SMIM22: variants seen among roughly 807,000 people sequenced by gnomAD.
The protein encoded by SMIM22 is cancer associated small integral membrane open reading frame 1.
Under a neutral mutation model 8.4 loss-of-function variants are expected in SMIM22, and 16 were observed. That is an observed-to-expected ratio of 1.90 (90% CI 1.29 to 2.89). The LOEUF (loss-of-function observed/expected upper bound fraction) is 2.89. Among genes scored for constraint, SMIM22 ranks in the 30% most tolerant of loss-of-function variants. The probability of loss-of-function intolerance (pLI) is 0.00; values close to 1 mark genes in which losing one functional copy is unlikely to be tolerated. For synonymous variants in SMIM22, 67 were observed against 47.6 expected (o/e 1.41, Z -1.68); for missense variants, 159 against 107.5 (o/e 1.48, Z -2.12).
upstream of SMIM22, among the ~76,000 whole-genome samples, chr16:4,793,529 G>T (rs1012058842): frequency 6.6e-6 from 1 of 152,284 alleles, no homozygotes; most frequent in African/African-American, 2.4e-5. Context: ...CACAGTGCTC[G>T]ATGCAGAGCC....
chr16:4,794,212 A>G (rs146372751), upstream of SMIM22, among the ~76,000 whole-genome samples: 6 of 152,138 alleles, frequency 3.9e-5, no homozygotes, highest in South Asian at 2.1e-4. Flanking sequence ...GGTTCAAGCA[A>G]TTCTCCTGCC....
At chr16:4,794,554 G>A (rs2141897617), upstream of SMIM22, among the ~76,000 whole-genome samples, 1 of 152,160 alleles carries the variant, frequency 6.6e-6, no homozygotes, top group African/African-American at 2.4e-5. Context: ...CCTAGTAGCT[G>A]GGATTACAGG....
chr16:4,795,902 TG>T, intron 2 of SMIM22, 44 bp downstream of exon 2: 1 of 1,531,352 alleles, frequency 6.5e-7, no homozygotes, highest in Non-Finnish European at 8.7e-7. Context: ...CCCCCTGCCC[TG>T]GGCTCCAGGT....
rs2082644212 is a variant in SMIM22, at chr16:4,796,314, T to C, written c.*83T>C. 1 of 1,489,314 alleles carries C rather than the reference T, an allele frequency of 6.7e-7. No homozygotes were observed. The allele number at this position is 1,489,314 out of a possible 1,614,324, so 92.3% of individuals were successfully genotyped here. On this transcript the variant is annotated 3_prime_UTR_variant, in exon 4 of 4. Transcript: ENST00000586005. ...TCTGCAGTGTCTTCCAGTCCCCGTCTGGGTGGGTGACGCGGGACTCGCCGC... is the reference window on the plus strand; with the variant it reads ...TCTGCAGTGTCTTCCAGTCCCCGTCCGGGTGGGTGACGCGGGACTCGCCGC...
rs973994714 is a variant in SMIM22 at position 4,796,236 on chromosome 16, G to C, written c.*5G>C. Reference sequence around the variant, plus strand: ...AACTTGGCCCTGGAACCCTGACCCTGTGTCTCCTGCCCGGTGGCAGTAACA... The same window carrying C: ...AACTTGGCCCTGGAACCCTGACCCTCTGTCTCCTGCCCGGTGGCAGTAACA... On this transcript the variant is annotated 3_prime_UTR_variant, in exon 4 of 4. Coordinates refer to ENST00000586005, the MANE Select transcript of SMIM22 (RefSeq NM_001253794.2). 9.1e-6 allele frequency: 14 copies of C among 1,535,632 alleles called. No individual in the cohort carries two copies. The Admixed American group carries it at 9.8e-5, about 11-fold the overall frequency.
At chr16:4,790,781 C>T (rs531241968), upstream of SMIM22, among the ~76,000 whole-genome samples, 1 of 152,028 alleles carries the variant, frequency 6.6e-6, no homozygotes, top group Admixed American at 6.6e-5. Flanking sequence ...AGAGTAAGAC[C>T]CTAGCTCAGT....
chr16:4,794,398 C>T (rs191211430), upstream of SMIM22, among the ~76,000 whole-genome samples: 399 of 151,118 alleles, frequency 2.6e-3, 2 homozygotes, highest in African/African-American at 9.2e-3. Flanking sequence ...TGAGCCACCA[C>T]ACCCGACCAA....
chr16:4,789,626 C>A (rs559586226), intron 2 of SMIM22, among the ~76,000 whole-genome samples: 1 of 152,182 alleles, frequency 6.6e-6, no homozygotes, highest in East Asian at 1.9e-4. Context: ...GCGCCCAGCC[C>A]TTTTTAAAAT....
intron 2 of SMIM22, 30 bp downstream of exon 2, chr16:4,795,888 C>T (rs1161027495): frequency 6.5e-7 from 1 of 1,533,870 alleles, no homozygotes; most frequent in African/African-American, 1.4e-5. Context: ...CTGGGTCCTC[C>T]CAGCCCCCTG....
upstream of SMIM22, among the ~76,000 whole-genome samples, chr16:4,792,982 GCCTGTAATC>G (rs1380150638): frequency 6.6e-6 from 1 of 151,822 alleles, no homozygotes; most frequent in African/African-American, 2.4e-5. Context: ...GGTGGCAGGT[GCCTGTAATC>G]CCAGCTACTC....
upstream of SMIM22, among the ~76,000 whole-genome samples, chr16:4,792,394 G>A (rs1054056365): frequency 2.0e-5 from 3 of 151,000 alleles, no homozygotes; most frequent in Non-Finnish European, 4.4e-5. Flanking sequence ...GTTTCACCGT[G>A]TTAGCCAGGA....
upstream of SMIM22, among the ~76,000 whole-genome samples, chr16:4,792,580 T>C (rs375980497): frequency 7.0e-4 from 105 of 150,616 alleles, 1 homozygote; most frequent in African/African-American, 2.4e-3. Flanking sequence ...GGGGGGCGGA[T>C]TGCTAGAGCT....
chr16:4,789,316 CTTT>C (rs1221503670), intron 2 of SMIM22, among the ~76,000 whole-genome samples: 1 of 150,982 alleles, frequency 6.6e-6, no homozygotes, highest in Non-Finnish European at 1.5e-5. Context: ...CTTTTTTTTT[CTTT>C]TTTCCTTTTT....
At chr16:4,795,354 G>A (rs1374986828), upstream of SMIM22, 2 of 227,528 alleles carry the variant, frequency 8.8e-6, no homozygotes, top group Non-Finnish European at 1.7e-5. Flanking sequence ...GGGCGGGGCT[G>A]GTTGCCAAGG....
At chr16:4,795,526 G>A (rs1298189198) in intron 1 of SMIM22, 77 bp downstream of exon 1, 3 of 687,928 alleles carry the variant, frequency 4.4e-6, no homozygotes, top group African/African-American at 1.8e-5. Flanking sequence ...AAGGTTGTCA[G>A]GGTAAGGACC....
chr16:4,791,480 A>T (rs2082550205), upstream of SMIM22, among the ~76,000 whole-genome samples: 2 of 152,112 alleles, frequency 1.3e-5, no homozygotes, highest in Admixed American at 1.3e-4. Flanking sequence ...CACTGGGAGG[A>T]GGTGGATACT....
At chr16:4,793,917 C>T (rs2082593439), upstream of SMIM22, among the ~76,000 whole-genome samples, 3 of 151,378 alleles carry the variant, frequency 2.0e-5, no homozygotes, top group South Asian at 4.2e-4. Context: ...GCTGGGATTA[C>T]AGGAGTATGC....
At chr16:4,789,104 C>T (rs776557334) in intron 2 of SMIM22, among the ~76,000 whole-genome samples, 8 of 151,934 alleles carry the variant, frequency 5.3e-5, no homozygotes, top group African/African-American at 1.2e-4. Flanking sequence ...CTGCAACCTC[C>T]GCCTCCTGGG....
upstream of SMIM22, among the ~76,000 whole-genome samples, chr16:4,790,473 G>A (rs984889227): frequency 1.3e-5 from 2 of 152,092 alleles, 1 homozygote; most frequent in Admixed American, 1.3e-4. Context: ...CTCCTTCCTG[G>A]AGGCTTAACC....
Sources: allele counts gnomAD v4.1 joint callset (sites outside exome capture counted in the v4.1 genomes callset), GRCh38; gene constraint gnomAD v4.1.1; transcripts MANE v1.5; gene names NCBI Gene and HGNC (gene_info 2026-07-23, HGNC 2026-07-21).